TRPM3: variants seen among roughly 807,000 people sequenced by gnomAD.
TRPM3 encodes the protein long transient receptor potential channel 3.
A neutral mutation model predicts 181.2 loss-of-function variants in TRPM3; 77 were observed. The observed-to-expected ratio is 0.42, with a 90% CI of 0.35 to 0.51. The LOEUF (loss-of-function observed/expected upper bound fraction) is 0.51, where lower values mean the gene tolerates loss of function less well. Among genes scored for constraint, TRPM3 ranks in the 20% least tolerant of loss-of-function variants. The pLI, the probability that TRPM3 is intolerant of heterozygous loss-of-function variation, is 0.01. For missense variants in TRPM3, 1,759 were observed against 2,196.7 expected (o/e 0.80, Z 3.98); for synonymous variants, 745 against 796.4 (o/e 0.94, Z 1.09).
At chr9:70,543,506 C>T (rs1184088583) in intron 25 of TRPM3, among the ~76,000 whole-genome samples, 3 of 152,150 alleles carry the variant, frequency 2.0e-5, no homozygotes, top group South Asian at 4.1e-4. Context: ...CTACCCTTCC[C>T]AGCCTCTGGT....
At chr9:71,051,889 G>T (rs915529003) in intron 1 of TRPM3, among the ~76,000 whole-genome samples, 1 of 152,066 alleles carries the variant, frequency 6.6e-6, no homozygotes, top group Non-Finnish European at 1.5e-5. Flanking sequence ...AAACTGGGTG[G>T]GGTGAAGGGT....
At chr9:71,414,509 A>T (rs1298276321) in intron 1 of TRPM3, among the ~76,000 whole-genome samples, 1 of 152,122 alleles carries the variant, frequency 6.6e-6, no homozygotes, top group African/African-American at 2.4e-5. Context: ...AATCATTAAG[A>T]TCTATTCTGC....
intron 1 of TRPM3, among the ~76,000 whole-genome samples, chr9:70,957,516 T>G (rs1037702371): frequency 6.6e-6 from 1 of 152,188 alleles, no homozygotes; most frequent in Non-Finnish European, 1.5e-5. Context: ...TCTTTTCTTT[T>G]AAATCCTTAG....
At chr9:70,566,284 C>A (rs1353210999) in intron 22 of TRPM3, among the ~76,000 whole-genome samples, 2 of 152,024 alleles carry the variant, frequency 1.3e-5, no homozygotes, top group African/African-American at 4.8e-5. Context: ...AGACTCCAAC[C>A]TCAGATGAGG....
chr9:70,581,121 A>C (rs2055529798), intron 22 of TRPM3, among the ~76,000 whole-genome samples: 1 of 152,232 alleles, frequency 6.6e-6, no homozygotes, highest in Non-Finnish European at 1.5e-5. Context: ...GAGTCCATAA[A>C]ACATATATGT....
In TRPM3 at chr9:71,046,017, C is replaced by T. The variant is rs2059391070; in HGVS notation, c.177+75161G>A. On this transcript the variant is annotated intron_variant, in intron 1 of 25. Transcript: ENST00000677713. The stretch of plus-strand genomic sequence containing the variant: ...TTTTTTTTTTTGAGATGGAGCCTCA[C>T]TCTGTCACCCAGGCTGGAGTGCAGT... 3.3e-5 allele frequency among the ~76,000 whole-genome samples: 5 copies of T among 151,058 alleles called. No individual in the cohort carries two copies. The South Asian group carries it at 8.4e-4, about 25-fold the overall frequency.
chr9:71,401,197 C>CAAAAAAAAAAAAAAAAAAAA (rs59425467), intron 1 of TRPM3, among the ~76,000 whole-genome samples: 5 of 105,768 alleles, frequency 4.7e-5, no homozygotes, highest in Admixed American at 1.0e-4. Flanking sequence ...GACACCATCG[C>CAAAAAAAAAAAAAAAAAAAA]AAAAAAAAAA....
At chr9:71,204,294 A>C (rs1408299053) in intron 1 of TRPM3, among the ~76,000 whole-genome samples, 1 of 151,230 alleles carries the variant, frequency 6.6e-6, no homozygotes, top group African/African-American at 2.4e-5. Context: ...AATGGGAGAA[A>C]ATTTTTGCAA....
At chr9:71,023,649 A>C (rs1564998272) in intron 1 of TRPM3, among the ~76,000 whole-genome samples, 2 of 152,058 alleles carry the variant, frequency 1.3e-5, no homozygotes, top group Non-Finnish European at 2.9e-5. Context: ...AAAAGAAACA[A>C]ATTTTTGATG....
intron 1 of TRPM3, among the ~76,000 whole-genome samples, chr9:71,009,943 T>A (rs1192571114): frequency 6.6e-6 from 1 of 152,172 alleles, no homozygotes; most frequent in Non-Finnish European, 1.5e-5. Context: ...TAAAGCCAAC[T>A]GATTTTTGAC....
chr9:71,406,897 A>G (rs937730754), intron 1 of TRPM3, among the ~76,000 whole-genome samples: 1 of 152,126 alleles, frequency 6.6e-6, no homozygotes, highest in African/African-American at 2.4e-5. Context: ...CAGGCTTAAT[A>G]TGGGGAATTC....
At chr9:71,162,545 G>A (rs2076333071) in intron 1 of TRPM3, among the ~76,000 whole-genome samples, 1 of 152,028 alleles carries the variant, frequency 6.6e-6, no homozygotes, top group South Asian at 2.1e-4. Flanking sequence ...TAGTTAGCAA[G>A]AAAACAACGG....
intron 1 of TRPM3, among the ~76,000 whole-genome samples, chr9:71,399,195 A>G (rs932411820): frequency 6.6e-6 from 1 of 152,320 alleles, no homozygotes; most frequent in Admixed American, 6.5e-5. Flanking sequence ...ATAATGAAAT[A>G]CAATGAAGCC....
At chr9:70,663,759 T>C (rs571672040) in intron 9 of TRPM3, among the ~76,000 whole-genome samples, 7 of 152,218 alleles carry the variant, frequency 4.6e-5, no homozygotes, top group Non-Finnish European at 8.8e-5. Flanking sequence ...CTTGGAGAAC[T>C]GAATAAGATC....
chr9:71,037,477 G>A (rs1023046906), intron 1 of TRPM3, among the ~76,000 whole-genome samples: 3 of 152,260 alleles, frequency 2.0e-5, no homozygotes, highest in Non-Finnish European at 4.4e-5. Context: ...TGTGATATGT[G>A]TGCATATAAT....
intron 1 of TRPM3, among the ~76,000 whole-genome samples, chr9:71,440,127 A>T (rs1264653982): frequency 6.7e-6 from 1 of 149,242 alleles, no homozygotes; most frequent in Non-Finnish European, 1.5e-5. Context: ...CATCTCAAAA[A>T]ATAAATAAAT....
intron 1 of TRPM3, among the ~76,000 whole-genome samples, chr9:71,374,638 G>T (rs1322087521): frequency 6.6e-6 from 1 of 152,156 alleles, no homozygotes; most frequent in Non-Finnish European, 1.5e-5. Flanking sequence ...GTTCAAGTAG[G>T]AAAAGAGGAA....
At chr9:71,245,691 ACAGGAATGG>A (rs1375509236) in intron 1 of TRPM3, among the ~76,000 whole-genome samples, 1 of 152,204 alleles carries the variant, frequency 6.6e-6, no homozygotes, top group Non-Finnish European at 1.5e-5. Flanking sequence ...AGTTGAATGA[ACAGGAATGG>A]CTTGATACAG....
chr9:71,182,348 A>G (rs934945449), intron 1 of TRPM3, among the ~76,000 whole-genome samples: 2 of 152,122 alleles, frequency 1.3e-5, no homozygotes, highest in Admixed American at 6.6e-5. Context: ...TACTTCCCCA[A>G]CAATAGCTTC....
Sources: allele counts gnomAD v4.1 joint callset (sites outside exome capture counted in the v4.1 genomes callset), GRCh38; gene constraint gnomAD v4.1.1; transcripts MANE v1.5; gene names NCBI Gene and HGNC (gene_info 2026-07-23, HGNC 2026-07-21).